ANKRD11: variants seen among roughly 807,000 people sequenced by gnomAD.
ANKRD11 encodes ankyrin repeat domain 11, also known as ankyrin repeat domain-containing protein 11.
ANKRD11 carries 17 observed loss-of-function variants against 195.7 expected under a neutral mutation model. That is an observed-to-expected ratio of 0.09 (90% CI 0.06 to 0.13). The LOEUF is 0.13. ANKRD11 is among the 10% of genes least tolerant of loss of function. The pLI is 1.00. For synonymous variants in ANKRD11, 1,953 were observed against 1,528.1 expected, an observed-to-expected ratio of 1.28 and a Z score of -6.49; for missense variants, 3,735 against 3,566.1, an observed-to-expected ratio of 1.05 and a Z score of -1.21.
intron 2 of ANKRD11, among the ~76,000 whole-genome samples, chr16:89,325,463 TCTCTCTCA>T (rs1266904733): frequency 2.9e-5 from 4 of 139,320 alleles, no homozygotes; most frequent in Admixed American, 7.2e-5. Context: ...TCTCTCTCTC[TCTCTCTCA>T]CACACACACA....
Position 89,279,022 on chromosome 16 carries a change from G to T in ANKRD11, c.7470+50C>A. ...GAGGAAGCCGTGACTAGGGGCCCCAGACGCATCCCAGAGAGAGAAGGCAGT... is the reference window on the plus strand; with the variant it reads ...GAGGAAGCCGTGACTAGGGGCCCCATACGCATCCCAGAGAGAGAAGGCAGT... On this transcript the variant is annotated intron_variant, in intron 9 of 12. Transcript: ENST00000301030. The surrounding 1 kb of genome is among the most constrained non-coding windows in gnomAD (Gnocchi z 5.6). The T allele has an allele frequency of 5.0e-6, 8 of 1,608,606 alleles. No individual in the cohort carries two copies. The highest frequency in any genetic ancestry group is 6.8e-6 in the Non-Finnish European group (8 of 1,177,736).
chr16:89,338,084 C>T (rs1218230267), intron 2 of ANKRD11, among the ~76,000 whole-genome samples: 1 of 152,190 alleles, frequency 6.6e-6, no homozygotes, highest in Non-Finnish European at 1.5e-5. Context: ...ACTCAGGAGC[C>T]CCAGGGGCCC....
At chr16:89,347,384 C>T (rs1249359854) in intron 2 of ANKRD11, among the ~76,000 whole-genome samples, 4 of 152,074 alleles carry the variant, frequency 2.6e-5, no homozygotes, top group African/African-American at 9.7e-5. Context: ...CCAAGATAGG[C>T]GGATCACGAG....
At position 89,280,240 on chromosome 16, in the gene ANKRD11, C is replaced by T. The variant is rs778906199; in HGVS notation, c.6302G>A (p.Ser2101Asn). Residue 2101 changes from serine to asparagine, a missense_variant, in exon 9 of 13, where the codon AGC becomes AAC. Physicochemically the swap from Ser to Asn is conservative, Grantham distance 46. Transcript: ENST00000301030. ...CAGGCCGCGGCTGCCGTCCAGGAAG[C>T]TATTTTCCAGGGGCCCCAGAGCCTC... ...QVEALGPLEN[S>N]FLDGSRGLSH... The T allele has an allele frequency of 6.2e-7, 1 of 1,608,490 alleles. No individual in the cohort carries two copies. Among genetic ancestry groups the T allele is most frequent in the South Asian group, 1.1e-5 (1 of 91,028 alleles).
chr16:89,352,431 T>C (rs113961994), intron 2 of ANKRD11, among the ~76,000 whole-genome samples: 2,361 of 150,026 alleles, frequency 0.016, 57 homozygotes, highest in African/African-American at 0.055. Context: ...CTCAGGTCAG[T>C]GGCAGGAGGG....
At chr16:89,272,092 T>C (rs1320666278) in intron 11 of ANKRD11, 1 of 152,094 alleles carries the variant, frequency 6.6e-6, no homozygotes, top group Non-Finnish European at 1.5e-5. Flanking sequence ...AAGATCTGAA[T>C]AGACGTTTCT....
chr16:89,408,699 A>C (rs1597317501), intron 2 of ANKRD11, among the ~76,000 whole-genome samples: 1 of 150,364 alleles, frequency 6.7e-6, no homozygotes, highest in Non-Finnish European at 1.5e-5. Context: ...TAATACAACC[A>C]CCTCTGGCCT....
chr16:89,341,653 T>C (rs1428656332), intron 2 of ANKRD11, among the ~76,000 whole-genome samples: 1 of 152,238 alleles, frequency 6.6e-6, no homozygotes, highest in African/African-American at 2.4e-5. Context: ...CTGGGAGCAA[T>C]GCCACGTATG....
rs536959407 is a variant in ANKRD11 at position 89,329,842 on chromosome 16, T to C, written c.-59-12764A>G. 7.9e-5 allele frequency among the ~76,000 whole-genome samples: 12 copies of C among 152,028 alleles called. No individual in the cohort carries two copies. In the South Asian group the frequency reaches 2.5e-3, roughly 32 times the overall value. ...TGGCCAACATGGTGAAACTCTCTAC[T>C]GAAAATACAAAAAATTAGCCGGGCA... On this transcript the variant is annotated intron_variant, in intron 2 of 12. Coordinates refer to ENST00000301030, the MANE Select transcript of ANKRD11 (RefSeq NM_013275.6).
In ANKRD11 at chr16:89,291,116, A is replaced by G. The variant is rs761640442; in HGVS notation, c.294T>C (p.Phe98=). The change falls in exon 5 of 13, where the codon TTT becomes TTC. Residue 98 remains phenylalanine (F), a synonymous_variant. Transcript: ENST00000301030. The surrounding 1 kb of genome is among the most constrained non-coding windows in gnomAD (Gnocchi z 5.3). ...EPVTRKAGLL[F]GMGLSGIRAG... ...CTCGGATTCCAGACAGCCCCATGCC[A>G]AACAGCAGCCCGGCCTTCCGGGTGA... The G allele has an allele frequency of 5.1e-5, 82 of 1,613,780 alleles. No homozygotes were observed. The highest frequency in any genetic ancestry group is 6.9e-5 in the Non-Finnish European group (81 of 1,179,950).
At chr16:89,408,132 G>A (rs1005764888) in intron 2 of ANKRD11, among the ~76,000 whole-genome samples, 13 of 152,154 alleles carry the variant, frequency 8.5e-5, no homozygotes, top group East Asian at 3.9e-4. Flanking sequence ...AAGACAGCTC[G>A]AAGGACTTGC....
intron 11 of ANKRD11, chr16:89,271,654 G>C (rs1035432873): frequency 2.6e-5 from 4 of 154,128 alleles, no homozygotes; most frequent in African/African-American, 7.2e-5. Flanking sequence ...GGAAAGGACA[G>C]TCTCTTCCGT....
At chr16:89,337,537 C>T (rs1180553027) in intron 2 of ANKRD11, among the ~76,000 whole-genome samples, 2 of 145,778 alleles carry the variant, frequency 1.4e-5, no homozygotes, top group Admixed American at 7.0e-5. Context: ...CCCGGGTTCA[C>T]GCCATTCTCC....
chr16:89,437,777 C>G (rs1390741430), intron 1 of ANKRD11, among the ~76,000 whole-genome samples: 1 of 152,196 alleles, frequency 6.6e-6, no homozygotes, highest in East Asian at 1.9e-4. Flanking sequence ...CGCCATGCCT[C>G]TCCACTACTC....
rs2034587160 is a variant in ANKRD11 at position 89,285,516 on chromosome 16, GGGGGCCGTGGCCTTCTGTGGCTCT to G, written c.1002_1025del (p.Glu335_Pro342del). On this transcript the variant is annotated inframe_deletion, in exon 9 of 13. Coordinates refer to ENST00000301030, the MANE Select transcript of ANKRD11 (RefSeq NM_013275.6). This position sits in a 1 kb window ranked among gnomAD's most constrained non-coding sequence, Gnocchi z 5.6. ...CATCAAACTCATACTCGTCCTTGACGGGGGCCGTGGCCTTCTGTGGCTCTGGGTTCTTGGCCTTGTGCTTGAGGC... is the reference window on the plus strand; with the variant it reads ...CATCAAACTCATACTCGTCCTTGACGGGGTTCTTGGCCTTGTGCTTGAGGC... 1.2e-6 allele frequency: 2 copies of G among 1,614,010 alleles called. No homozygotes were observed. Among genetic ancestry groups the G allele is most frequent in the East Asian group, 4.5e-5 (2 of 44,882 alleles).
In ANKRD11 at chr16:89,275,066, C is replaced by A. The variant is rs1312832511; in HGVS notation, c.7569+27G>T. The A allele has an allele frequency of 5.6e-6, 9 of 1,612,054 alleles. No homozygotes were observed. In the Admixed American group the frequency reaches 1.3e-4, roughly 24 times the overall value. ...GCCGTGAAAAGCCCTGGCCGTGGCG[C>A]CCCCCTGCCTGTGCCAGCCCACTTA... is the stretch of plus-strand genomic sequence containing the variant. On this transcript the variant is annotated intron_variant, in intron 10 of 12. Transcript: ENST00000301030.
At chr16:89,475,180 G>A (rs1295005222) in intron 1 of ANKRD11, among the ~76,000 whole-genome samples, 4 of 152,178 alleles carry the variant, frequency 2.6e-5, no homozygotes, top group Non-Finnish European at 4.4e-5. Flanking sequence ...TTGGAGAGAT[G>A]GACTAACTCA....
chr16:89,402,835 G>C (rs112279994), intron 2 of ANKRD11, among the ~76,000 whole-genome samples: 1 of 150,408 alleles, frequency 6.6e-6, no homozygotes, highest in Admixed American at 6.6e-5. Context: ...GCGGCACTGC[G>C]GGAGGAGGTG....
At chr16:89,476,684 C>T (rs548566943) in intron 1 of ANKRD11, among the ~76,000 whole-genome samples, 1 of 152,330 alleles carries the variant, frequency 6.6e-6, no homozygotes, top group East Asian at 1.9e-4. Context: ...CTTGGTCTCA[C>T]AGCCAACAGT....
Sources: allele counts gnomAD v4.1 joint callset (sites outside exome capture counted in the v4.1 genomes callset), GRCh38; gene constraint gnomAD v4.1.1; non-coding constraint Gnocchi (gnomAD v3.1); transcripts MANE v1.5; gene names NCBI Gene and HGNC (gene_info 2026-07-23, HGNC 2026-07-21).